Variants in ATP1B3 observed in about 807,000 individuals in gnomAD.
ATP1B3 encodes the protein ATPase Na+/K+ transporting subunit beta 3, also known as sodium/potassium-transporting ATPase subunit beta-3.
Under a neutral mutation model 30.2 loss-of-function variants are expected in ATP1B3, and 10 were observed. That is an observed-to-expected ratio of 0.33 (90% CI 0.20 to 0.56). The LOEUF (loss-of-function observed/expected upper bound fraction) is 0.56, where lower values mean the gene tolerates loss of function less well. Among genes scored for constraint, ATP1B3 ranks in the 20% least tolerant of loss-of-function variants. ATP1B3 has a pLI of 0.90. For synonymous variants in ATP1B3, 113 were observed against 117.0 expected (o/e 0.97, Z 0.22); for missense variants, 238 against 336.7 (o/e 0.71, Z 2.29).
At chr3:141,909,193 A>C (rs957398861) in intron 3 of ATP1B3, among the ~76,000 whole-genome samples, 4 of 152,244 alleles carry the variant, frequency 2.6e-5, no homozygotes, top group Non-Finnish European at 5.9e-5. Flanking sequence ...TATTTAAAAA[A>C]GACTTTTGTG....
At chr3:141,890,097 T>C (rs924950899) in intron 1 of ATP1B3, among the ~76,000 whole-genome samples, 2 of 140,008 alleles carry the variant, frequency 1.4e-5, no homozygotes, top group Admixed American at 1.4e-4. Context: ...TTTTTTTTTT[T>C]TTTTTTTTTT....
At chr3:141,884,136 CTAA>C (rs1191845343) in intron 1 of ATP1B3, among the ~76,000 whole-genome samples, 1 of 152,078 alleles carries the variant, frequency 6.6e-6, no homozygotes, top group Non-Finnish European at 1.5e-5. Context: ...GGTGCTATTA[CTAA>C]TAATATTTCG....
intron 1 of ATP1B3, among the ~76,000 whole-genome samples, chr3:141,879,835 T>TTTTTTA (rs1933688308): frequency 7.3e-6 from 1 of 136,468 alleles, no homozygotes; most frequent in Non-Finnish European, 1.6e-5. Context: ...TTTTTTTTTT[T>TTTTTTA]AAGAAAAACA....
At chr3:141,902,314 TG>T (rs1368209484) in intron 1 of ATP1B3, 1 of 964,370 alleles carries the variant, frequency 1.0e-6, no homozygotes, top group Non-Finnish European at 1.4e-6. Flanking sequence ...AAAAGGGGGT[TG>T]GGGGTGATTC....
Position 141,921,997 on chromosome 3 carries a change from A to T in ATP1B3, c.603A>T (p.Val201=), listed in dbSNP as rs1250507661. 21 of 1,542,508 alleles carry T rather than the reference A, an allele frequency of 1.4e-5. No homozygotes were observed. The highest frequency in any genetic ancestry group is 1.8e-5 in the Non-Finnish European group (20 of 1,134,630). Residue 201 remains valine (V), a synonymous_variant, in exon 6 of 7, where the codon GTA becomes GTT. Transcript: ENST00000286371. ...CVSKNEDIPN[V]AVYPHNGMID... The stretch of plus-strand genomic sequence containing the variant: ...TTCAGAATGAAGATATACCAAATGT[A>T]GCAGTTTATCCTCATAATGGAATGA...
chr3:141,891,671 T>G (rs573480041), intron 1 of ATP1B3, among the ~76,000 whole-genome samples: 7 of 152,154 alleles, frequency 4.6e-5, no homozygotes, highest in Non-Finnish European at 1.0e-4. Flanking sequence ...TATTTTAGTC[T>G]TGAGCTAAAA....
At chr3:141,920,342 C>T (rs573071884) in intron 5 of ATP1B3, among the ~76,000 whole-genome samples, 102 of 152,204 alleles carry the variant, frequency 6.7e-4, no homozygotes, top group African/African-American at 2.4e-3. Context: ...GCCTGGCCAA[C>T]ATGACAAAAC....
intron 1 of ATP1B3, among the ~76,000 whole-genome samples, chr3:141,894,123 T>C (rs907318172): frequency 2.6e-5 from 4 of 152,090 alleles, no homozygotes; most frequent in Admixed American, 2.6e-4. Flanking sequence ...ACATAAAAAA[T>C]GGTATACCTG....
intron 4 of ATP1B3, among the ~76,000 whole-genome samples, chr3:141,914,659 C>G (rs999859577): frequency 6.6e-6 from 1 of 152,150 alleles, no homozygotes; most frequent in Admixed American, 6.5e-5. Context: ...CAGGTGTAGA[C>G]TTCTCAAAAT....
At chr3:141,896,884 A>G (rs1013863494) in intron 1 of ATP1B3, among the ~76,000 whole-genome samples, 1 of 151,890 alleles carries the variant, frequency 6.6e-6, no homozygotes, top group Non-Finnish European at 1.5e-5. Flanking sequence ...TTTATTTTGA[A>G]TGTGTGATAA....
intron 5 of ATP1B3, chr3:141,918,838 G>T (rs544830232): frequency 4.8e-4 from 73 of 152,334 alleles, no homozygotes; most frequent in African/African-American, 1.7e-3. Flanking sequence ...CAGATTTAAT[G>T]ATTCGGATTT....
chr3:141,891,561 T>A (rs765506731), intron 1 of ATP1B3, among the ~76,000 whole-genome samples: 1 of 152,206 alleles, frequency 6.6e-6, no homozygotes, highest in Non-Finnish European at 1.5e-5. Context: ...AGTTGATTTA[T>A]TATTTAAATG....
chr3:141,919,905 C>T (rs188357663), intron 5 of ATP1B3, among the ~76,000 whole-genome samples: 4 of 152,194 alleles, frequency 2.6e-5, no homozygotes, highest in Admixed American at 2.0e-4. Flanking sequence ...CGCCACTCCA[C>T]TCCATCCTAG....
At chr3:141,906,373 T>A (rs1934267124) in intron 2 of ATP1B3, among the ~76,000 whole-genome samples, 1 of 152,140 alleles carries the variant, frequency 6.6e-6, no homozygotes, top group African/African-American at 2.4e-5. Context: ...AGAAATGGGG[T>A]TTCACTATAT....
At chr3:141,898,439 A>G (rs1934107437) in intron 1 of ATP1B3, among the ~76,000 whole-genome samples, 1 of 152,218 alleles carries the variant, frequency 6.6e-6, no homozygotes, top group Non-Finnish European at 1.5e-5. Flanking sequence ...AAATGAGAAA[A>G]TGATCTGAAT....
At chr3:141,886,552 G>A (rs1157320956) in intron 1 of ATP1B3, among the ~76,000 whole-genome samples, 1 of 152,112 alleles carries the variant, frequency 6.6e-6, no homozygotes, top group East Asian at 1.9e-4. Flanking sequence ...AAAGTGAACT[G>A]GTAGGTTTAT....
At chr3:141,925,166 A>AT (rs940562990) in intron 6 of ATP1B3, among the ~76,000 whole-genome samples, 18 of 151,010 alleles carry the variant, frequency 1.2e-4, no homozygotes, top group South Asian at 2.1e-4. Flanking sequence ...ATAGAGCTAA[A>AT]TTTTTTTTTT....
chr3:141,876,999 G>A (rs948057192), intron 1 of ATP1B3, 89 bp downstream of exon 1: 139 of 1,048,228 alleles, frequency 1.3e-4, no homozygotes, highest in Admixed American at 7.7e-4. Context: ...GCGGGAGGCG[G>A]CTCCCAGCGC....
At chr3:141,920,110 T>G (rs4683410) in intron 5 of ATP1B3, among the ~76,000 whole-genome samples, 133,073 of 152,144 alleles carry the variant, frequency 0.87, 58,463 homozygotes, top group African/African-American at 0.96. Flanking sequence ...CAAGATCACG[T>G]CTTAGGCACA....
Sources: allele counts gnomAD v4.1 joint callset (sites outside exome capture counted in the v4.1 genomes callset), GRCh38; gene constraint gnomAD v4.1.1; transcripts MANE v1.5; gene names NCBI Gene and HGNC (gene_info 2026-07-23, HGNC 2026-07-21).